The following PDIA5 variants were observed in gnomAD, a reference collection of about 807,000 sequenced individuals.
PDIA5 encodes protein disulfide-isomerase A5.
PDIA5 carries 58 observed loss-of-function variants against 77.6 expected under a neutral mutation model. The observed-to-expected ratio is 0.75, with a 90% CI of 0.61 to 0.93. PDIA5 has a LOEUF of 0.93. Ranked by LOEUF, PDIA5 falls within the 40% of genes least tolerant of loss-of-function variation. The probability of loss-of-function intolerance (pLI) is 0.00; values close to 1 mark genes in which losing one functional copy is unlikely to be tolerated. For synonymous variants in PDIA5, 250 were observed against 252.1 expected (o/e 0.99, Z 0.08); for missense variants, 630 against 647.7 (o/e 0.97, Z 0.30).
At chr3:123,152,607 A>G (rs1438160557) in intron 14 of PDIA5, among the ~76,000 whole-genome samples, 2 of 152,200 alleles carry the variant, frequency 1.3e-5, no homozygotes, top group African/African-American at 4.8e-5. Context: ...GAAATGTCAA[A>G]TAGTAAAGTC....
intron 1 of PDIA5, among the ~76,000 whole-genome samples, chr3:123,082,694 TAA>T (rs1441354555): frequency 6.6e-6 from 1 of 152,064 alleles, no homozygotes; most frequent in Non-Finnish European, 1.5e-5. Flanking sequence ...GTCTCGCTAA[TAA>T]AGAGAAGTGC....
chr3:123,073,824 C>G (rs965159803), intron 1 of PDIA5, among the ~76,000 whole-genome samples: 5 of 152,188 alleles, frequency 3.3e-5, no homozygotes, highest in Non-Finnish European at 7.3e-5. Flanking sequence ...AACCCCTTGG[C>G]GCAGGCAGAT....
rs117918853 is a variant in PDIA5 at position 123,134,259 on chromosome 3, G to A, written c.910+3643G>A. On this transcript the variant is annotated intron_variant, in intron 11 of 16. Transcript: ENST00000316218. ...GGCTGGTCTGCTTTGTTGCTTCTATGCCTGTAGTAAGTACCCAGTCAATGT... is the reference window on the plus strand; with the variant it reads ...GGCTGGTCTGCTTTGTTGCTTCTATACCTGTAGTAAGTACCCAGTCAATGT... Among the ~76,000 whole-genome samples, 3 of 152,240 alleles carry A rather than the reference G, an allele frequency of 2.0e-5. No homozygotes were observed. In the South Asian group the frequency reaches 6.2e-4, roughly 32 times the overall value.
chr3:123,067,329 G>A, intron 1 of PDIA5, 123 bp downstream of exon 1: 4 of 855,074 alleles, frequency 4.7e-6, no homozygotes, highest in Non-Finnish European at 4.7e-6. Flanking sequence ...CGGGATGAGG[G>A]CGTGCATGCC....
chr3:123,122,490 G>A (rs1160187115), intron 8 of PDIA5, among the ~76,000 whole-genome samples: 1 of 152,116 alleles, frequency 6.6e-6, no homozygotes, highest in Non-Finnish European at 1.5e-5. Context: ...TGTCCTTGCT[G>A]TATGTGAGGC....
chr3:123,154,908 TG>T, intron 14 of PDIA5, 62 bp from the exon 15 acceptor site: 1 of 1,093,884 alleles, frequency 9.1e-7, no homozygotes, highest in Non-Finnish European at 1.4e-6. Flanking sequence ...GAAGGGTCCC[TG>T]GCCCTGCAGC....
Position 123,117,038 on chromosome 3 carries a change from G to A in PDIA5, c.609+740G>A, listed in dbSNP as rs544386335. Among the ~76,000 whole-genome samples the A allele has an allele frequency of 2.2e-4, 33 of 151,664 alleles. No homozygotes were observed. In the South Asian group the frequency reaches 4.8e-3, roughly 22 times the overall value. On this transcript the variant is annotated intron_variant, in intron 8 of 16. Coordinates refer to ENST00000316218, the MANE Select transcript of PDIA5 (RefSeq NM_006810.4). ...TTGTGGGGGAGAAGAGAGCTGGGAG[G>A]GGGGATGGACCTCACACAGAAGGGC...
intron 7 of PDIA5, among the ~76,000 whole-genome samples, chr3:123,112,852 GC>G (rs1934898050): frequency 6.6e-6 from 1 of 152,042 alleles, no homozygotes; most frequent in African/African-American, 2.4e-5. Context: ...GAACCACCGT[GC>G]CCGGCCCCCC....
intron 1 of PDIA5, among the ~76,000 whole-genome samples, chr3:123,086,383 A>G (rs971443146): frequency 1.3e-5 from 2 of 152,220 alleles, no homozygotes; most frequent in South Asian, 2.1e-4. Flanking sequence ...CTATTGAGTG[A>G]TGAGGCTCAG....
At chr3:123,078,552 C>T (rs1041560949) in intron 1 of PDIA5, among the ~76,000 whole-genome samples, 2 of 152,146 alleles carry the variant, frequency 1.3e-5, no homozygotes, top group Non-Finnish European at 2.9e-5. Flanking sequence ...TTGTTTTTAT[C>T]ATACTCTTCC....
At chr3:123,070,104 A>G (rs980933235) in intron 1 of PDIA5, among the ~76,000 whole-genome samples, 3 of 146,414 alleles carry the variant, frequency 2.0e-5, no homozygotes, top group Admixed American at 1.3e-4. Flanking sequence ...AAAAAAAAAA[A>G]GAAGAAGAAG....
chr3:123,073,166 G>C (rs1166095946), intron 1 of PDIA5, among the ~76,000 whole-genome samples: 1 of 152,188 alleles, frequency 6.6e-6, no homozygotes, highest in Non-Finnish European at 1.5e-5. Flanking sequence ...CGTATTTCAC[G>C]ACGGTGTGGT....
chr3:123,076,157 G>T (rs1380450452), intron 1 of PDIA5, among the ~76,000 whole-genome samples: 1 of 152,194 alleles, frequency 6.6e-6, no homozygotes, highest in Non-Finnish European at 1.5e-5. Context: ...ATTCTGGGTG[G>T]AGCAACGGGG....
chr3:123,130,680 C>G, intron 11 of PDIA5, 64 bp downstream of exon 11: 1 of 1,558,570 alleles, frequency 6.4e-7, no homozygotes. Context: ...ATGAGTGTGG[C>G]GCTTTGCAAT....
chr3:123,144,342 GA>G (rs1353363328), intron 11 of PDIA5, among the ~76,000 whole-genome samples: 4 of 152,152 alleles, frequency 2.6e-5, no homozygotes, highest in Admixed American at 2.6e-4. Context: ...GTCATCCGCT[GA>G]TCCTAGTTAA....
rs372365648 is a variant in PDIA5 at position 123,124,290 on chromosome 3, C to T, written c.720C>T (p.Phe240=). The T allele has an allele frequency of 6.6e-5, 106 of 1,613,224 alleles. No homozygotes were observed. The South Asian group carries it at 8.6e-4, about 13-fold the overall frequency. ...ICYFEKGRFL[F]QYDNYGSTAE... ...TTCACAGGAAAGGACGGTTCTTGTT[C>T]CAGTATGACAACTATGGGTCCACAG... Residue 240 remains phenylalanine, a synonymous_variant, in exon 10 of 17, where the codon TTC becomes TTT. Coordinates refer to ENST00000316218, the MANE Select transcript of PDIA5 (RefSeq NM_006810.4).
chr3:123,076,954 C>T lies in PDIA5; in HGVS notation c.42+9748C>T, dbSNP rs143686657. Among the ~76,000 whole-genome samples, 84 of 152,332 alleles carry T rather than the reference C, an allele frequency of 5.5e-4. 2 individuals carry two copies. The East Asian group carries it at 0.016, about 29-fold the overall frequency. On this transcript the variant is annotated intron_variant, in intron 1 of 16. Coordinates refer to ENST00000316218, the MANE Select transcript of PDIA5 (RefSeq NM_006810.4). ...ATAAGTTGCCCTGCCCCTGAATTGT[C>T]CATTGTTGACAGCAACATTTGTGCC... is the stretch of plus-strand genomic sequence containing the variant.
At chr3:123,106,906 GA>G in intron 6 of PDIA5, 65 bp downstream of exon 6, 1 of 1,079,126 alleles carries the variant, frequency 9.3e-7, no homozygotes, top group Non-Finnish European at 1.4e-6. Flanking sequence ...GCCTCCCAAG[GA>G]AAGGAGCCCA....
At chr3:123,090,621 T>A (rs1218194526) in intron 2 of PDIA5, among the ~76,000 whole-genome samples, 1 of 152,158 alleles carries the variant, frequency 6.6e-6, no homozygotes, top group Non-Finnish European at 1.5e-5. Flanking sequence ...TTTTCTCTGA[T>A]GGAGGATGGG....
Sources: gnomAD v4.1 joint callset for allele counts (sites outside exome capture counted in the v4.1 genomes callset) on GRCh38, gnomAD v4.1.1 for gene constraint, MANE v1.5 for transcripts, NCBI Gene and HGNC (gene_info 2026-07-23, HGNC 2026-07-21) for gene names.